The following THAP4 variants were observed in gnomAD, a reference collection of about 807,000 sequenced individuals.
The protein encoded by THAP4 is THAP domain containing 4.
THAP4 carries 18 observed loss-of-function variants against 48.1 expected under a neutral mutation model. The ratio of observed to expected loss-of-function variants is 0.37; its 90% CI spans 0.26 to 0.56. The LOEUF (loss-of-function observed/expected upper bound fraction) is 0.56. THAP4 is among the 20% of genes least tolerant of loss of function. THAP4 has a pLI of 0.78. For synonymous variants in THAP4, 345 were observed against 324.9 expected (o/e 1.06, Z -0.66); for missense variants, 656 against 774.9 (o/e 0.85, Z 1.82).
At chr2:241,628,233 C>CTCGCTGCGCTG (rs2067517244) in intron 2 of THAP4, among the ~76,000 whole-genome samples, 1 of 148,504 alleles carries the variant, frequency 6.7e-6, no homozygotes, top group Non-Finnish European at 1.5e-5. Flanking sequence ...CCTCGGCTGC[C>CTCGCTGCGCTG]CCTCTCTCAG....
intron 2 of THAP4, among the ~76,000 whole-genome samples, chr2:241,627,365 G>A (rs1051446644): frequency 6.6e-6 from 1 of 152,224 alleles, no homozygotes; most frequent in Non-Finnish European, 1.5e-5. Context: ...TTTAACAGGC[G>A]TTGGTATCCT....
intron 2 of THAP4, among the ~76,000 whole-genome samples, chr2:241,622,984 G>A (rs569816136): frequency 5.3e-5 from 8 of 152,140 alleles, no homozygotes; most frequent in Non-Finnish European, 7.4e-5. Flanking sequence ...TTGGGAGGCC[G>A]AGGCGGGCGG....
chr2:241,630,462 A>C (rs1473068879), intron 2 of THAP4, among the ~76,000 whole-genome samples: 1 of 152,214 alleles, frequency 6.6e-6, no homozygotes. Context: ...TTTAACCAAG[A>C]GGAACAGAGA....
At chr2:241,588,296 C>T (rs184175049) in intron 5 of THAP4, among the ~76,000 whole-genome samples, 4 of 152,288 alleles carry the variant, frequency 2.6e-5, no homozygotes, top group Non-Finnish European at 1.5e-5. Context: ...TGAGACTGAT[C>T]TAAATAAATG....
In THAP4 at chr2:241,612,797, G is replaced by A. The variant is rs1385369589; in HGVS notation, c.1241-6324C>T. Among the ~76,000 whole-genome samples, 2 of 152,206 alleles carry A rather than the reference G, an allele frequency of 1.3e-5. No homozygotes were observed. The highest frequency in any genetic ancestry group is 4.8e-5 in the African/African-American group (2 of 41,454). On this transcript the variant is annotated intron_variant, in intron 2 of 5. Transcript: ENST00000407315. The surrounding 1 kb of genome is among the most constrained non-coding windows in gnomAD (Gnocchi z 4.1). The stretch of plus-strand genomic sequence containing the variant: ...AAGACGCTAGAGTCACACGTAGAAG[G>A]CGCATGAGGAGGGAAGGTGAGTGGC...
At chr2:241,631,078 A>C (rs1338320206) in intron 2 of THAP4, among the ~76,000 whole-genome samples, 1 of 152,194 alleles carries the variant, frequency 6.6e-6, no homozygotes, top group Non-Finnish European at 1.5e-5. Context: ...ATAAAATTCC[A>C]AGAGAAAAAC....
At chr2:241,607,992 AC>A (rs1447436307) in intron 2 of THAP4, among the ~76,000 whole-genome samples, 51 of 149,966 alleles carry the variant, frequency 3.4e-4, no homozygotes, top group African/African-American at 1.2e-3. Flanking sequence ...ATCAGGACTG[AC>A]CCCCAGTGTC....
chr2:241,589,892 G>A (rs1378844538), intron 5 of THAP4, among the ~76,000 whole-genome samples: 11 of 152,142 alleles, frequency 7.2e-5, no homozygotes, highest in Non-Finnish European at 1.5e-4. Flanking sequence ...TCTTGAGAGC[G>A]TTTCAGTGAG....
At chr2:241,588,468 C>T (rs1238067156) in intron 5 of THAP4, among the ~76,000 whole-genome samples, 2 of 152,048 alleles carry the variant, frequency 1.3e-5, no homozygotes, top group African/African-American at 2.4e-5. Flanking sequence ...CCTAGGATAG[C>T]CAAAACAATT....
At chr2:241,631,893 CTTTT>C (rs531274905) in intron 2 of THAP4, among the ~76,000 whole-genome samples, 12 of 141,582 alleles carry the variant, frequency 8.5e-5, no homozygotes, top group Non-Finnish European at 1.1e-4. Context: ...TATTGTATTT[CTTTT>C]TTTTTTTTTT....
intron 3 of THAP4, 26 bp downstream of exon 3, chr2:241,606,288 G>C: frequency 6.5e-7 from 1 of 1,535,246 alleles, no homozygotes; most frequent in Non-Finnish European, 8.8e-7. Context: ...GAGTCAAGCA[G>C]GGTGGGGTGG....
rs2067242633 is a variant in THAP4, at chr2:241,609,917, C to T, written c.1241-3444G>A. On this transcript the variant is annotated intron_variant, in intron 2 of 5. Coordinates refer to ENST00000407315, the MANE Select transcript of THAP4 (RefSeq NM_015963.6). ...CTGGGACCGGGTGGACCCACTTCCA[C>T]TGGTGAGCGCAGCCTGCATGGGAGC... 5.3e-5 allele frequency among the ~76,000 whole-genome samples: 8 copies of T among 152,374 alleles called. No individual in the cohort carries two copies. The South Asian group carries it at 1.7e-3, about 32-fold the overall frequency.
At chr2:241,598,857 G>A (rs960164457) in intron 5 of THAP4, among the ~76,000 whole-genome samples, 1 of 151,784 alleles carries the variant, frequency 6.6e-6, no homozygotes, top group African/African-American at 2.4e-5. Context: ...ACAATTCTTG[G>A]CATACTAGAA....
intron 5 of THAP4, among the ~76,000 whole-genome samples, chr2:241,585,912 C>CAAAAAAAAAAAAAAAAAAAAAAAAAA (rs1175852721): frequency 3.5e-4 from 10 of 28,266 alleles, no homozygotes; most frequent in South Asian, 1.8e-3. Flanking sequence ...GACTCCTTCT[C>CAAAAAAAAAAAAAAAAAAAAAAAAAA]AAAAAAAAAA....
chr2:241,620,171 G>A (rs1280473155), intron 2 of THAP4, among the ~76,000 whole-genome samples: 2 of 91,168 alleles, frequency 2.2e-5, no homozygotes, highest in Non-Finnish European at 4.4e-5. Flanking sequence ...TGAGTGAGGG[G>A]TGAGTGAGTC....
rs1358418582 is a variant in THAP4 at position 241,623,241 on chromosome 2, AC to A, written c.1240+9675del. 2.0e-5 allele frequency among the ~76,000 whole-genome samples: 3 copies of A among 151,486 alleles called. 1 individual carries two copies. Among genetic ancestry groups the A allele is most frequent in the Admixed American group, 6.6e-5 (1 of 15,178 alleles). ...AAATAATAATAATAATAAAAATAAA[AC>A]AACAACAAAAAAACCCCACTTTGAA... On this transcript the variant is annotated intron_variant, in intron 2 of 5. Coordinates refer to ENST00000407315, the MANE Select transcript of THAP4 (RefSeq NM_015963.6).
At chr2:241,606,949 G>A (rs547170023) in intron 2 of THAP4, among the ~76,000 whole-genome samples, 3 of 152,296 alleles carry the variant, frequency 2.0e-5, no homozygotes, top group South Asian at 4.2e-4. Flanking sequence ...GTGCCCTGGC[G>A]TGAAGAGTGT....
intron 2 of THAP4, among the ~76,000 whole-genome samples, chr2:241,628,477 C>T (rs528044501): frequency 1.3e-5 from 2 of 152,162 alleles, no homozygotes; most frequent in African/African-American, 4.8e-5. Flanking sequence ...CACTTAGCAT[C>T]CTCCAGGTGC....
At chr2:241,637,562 TG>T, upstream of THAP4, 2 of 1,491,006 alleles carry the variant, frequency 1.3e-6, no homozygotes, top group Non-Finnish European at 1.8e-6. Context: ...TACGCCAAAA[TG>T]GCGGCTCCCG....
Sources: gnomAD v4.1 joint callset for allele counts (sites outside exome capture counted in the v4.1 genomes callset) on GRCh38, gnomAD v4.1.1 for gene constraint, Gnocchi (gnomAD v3.1) non-coding constraint, MANE v1.5 for transcripts, NCBI Gene and HGNC (gene_info 2026-07-23, HGNC 2026-07-21) for gene names.